Variants in FAT2 observed in about 807,000 individuals in gnomAD.
FAT2 encodes the protein protocadherin Fat 2.
In FAT2, 150 loss-of-function variants were observed where a neutral mutation model predicts 295.3. That is an observed-to-expected ratio of 0.51 (90% CI 0.44 to 0.58). The LOEUF is 0.58. FAT2 is among the 20% of genes least tolerant of loss of function. The pLI is 0.00. For missense variants in FAT2, 4,868 were observed against 5,442.7 expected, an observed-to-expected ratio of 0.89 and a Z score of 3.32; for synonymous variants, 2,026 against 2,150.3, an observed-to-expected ratio of 0.94 and a Z score of 1.60.
Position 151,563,364 on chromosome 5 carries a change from C to T in FAT2, c.3535G>A (p.Gly1179Arg), listed in dbSNP as rs202031721. The change falls in exon 3 of 24, where the codon GGG becomes AGG. Residue 1179 changes from glycine (G) to arginine (R), a missense_variant. Gly to Arg is a moderately radical substitution (Grantham distance 125, BLOSUM62 -2). Coordinates refer to ENST00000261800, the MANE Select transcript of FAT2 (RefSeq NM_001447.3). ...KGKLTFNITS[G>R]NYMGFFMIHP... Reference sequence around the variant, plus strand: ...ATCATAAAGAATCCCATGTAGTTCCCACTGGTGATGTTGAAGGTCAGCTTC... The same window carrying T: ...ATCATAAAGAATCCCATGTAGTTCCTACTGGTGATGTTGAAGGTCAGCTTC... 3.1e-6 allele frequency: 5 copies of T among 1,614,158 alleles called. No individual in the cohort carries two copies. Among genetic ancestry groups the T allele is most frequent in the East Asian group, 2.2e-5 (1 of 44,878 alleles).
At position 151,567,394 on chromosome 5, in the gene FAT2, A is replaced by G. The variant is rs1758327159; in HGVS notation, c.1538T>C (p.Ile513Thr). The G allele has an allele frequency of 6.2e-7, 1 of 1,614,062 alleles. No individual in the cohort carries two copies. The highest frequency in any genetic ancestry group is 1.7e-5 in the Admixed American group (1 of 60,002). Residue 513 changes from isoleucine to threonine, a missense_variant, in exon 2 of 24, where the codon ATC becomes ACC. Ile to Thr is a moderately conservative substitution (Grantham distance 89, BLOSUM62 -1). This residue lies in a region of FAT2 where 3,297 missense variants were observed against 3,669.4 expected (regional missense o/e 0.90). Coordinates refer to ENST00000261800, the MANE Select transcript of FAT2 (RefSeq NM_001447.3). The stretch of plus-strand genomic sequence containing the variant: ...GTCCATGGGTTTGGAGGTGGAGATG[A>G]TCCCCAGGTAGGGGTCAATAGAAAA... ...LPFSIDPYLG[I>T]ISTSKPMDYE...
Position 151,545,329 on chromosome 5 carries a change from A to G in FAT2, c.5798T>C (p.Leu1933Pro), listed in dbSNP as rs1489902977. The change falls in exon 10 of 24, where the codon CTG becomes CCG. Residue 1933 changes from leucine (L) to proline (P), a missense_variant. Leu to Pro is a moderately conservative substitution (Grantham distance 98, BLOSUM62 -3). Transcript: ENST00000261800. ...GATGGTGAGCTTCCGAGAGAGTCCC[A>G]GGAAAGCAGGATTCAGCACAGATAT... ...GSISVLNPAF[L>P]GLSRKLTIRA... The G allele has an allele frequency of 1.2e-6, 2 of 1,614,154 alleles. No homozygotes were observed. The highest frequency in any genetic ancestry group is 1.7e-6 in the Non-Finnish European group (2 of 1,180,032).
In FAT2 at chr5:151,542,754, A is replaced by G; in HGVS notation, c.8373T>C (p.Asn2791=). Residue 2791 remains asparagine (N), a synonymous_variant, in exon 10 of 24, where the codon AAT becomes AAC. Transcript: ENST00000261800. ...VSVNIQVGDV[N]DNRPVFEADP... The stretch of plus-strand genomic sequence containing the variant: ...CAGCCTCAAATACAGGCCTATTGTC[A>G]TTGACGTCTCCCACTTGGATGTTGA... 1 of 1,614,216 alleles carries G rather than the reference A, an allele frequency of 6.2e-7. No individual in the cohort carries two copies.
At chr5:151,592,059 T>C (rs1451929927), upstream of FAT2, among the ~76,000 whole-genome samples, 8 of 152,204 alleles carry the variant, frequency 5.3e-5, no homozygotes, top group Admixed American at 5.2e-4. Flanking sequence ...ATGAGACCGA[T>C]TATGTGTGCA....
At chr5:151,537,376 A>G (rs937461645) in intron 12 of FAT2, among the ~76,000 whole-genome samples, 1 of 150,496 alleles carries the variant, frequency 6.6e-6, no homozygotes, top group Non-Finnish European at 1.5e-5. Flanking sequence ...GGAAAGAAAC[A>G]ACGAACAACG....
rs1756244151 is a variant in FAT2 at position 151,542,436 on chromosome 5, T to C, written c.8691A>G (p.Thr2897=). ...SSQALVQVSI[T]DENDNAPRFA... is the part of the protein sequence containing the mutation. ...ATCGGGGAGCATTGTCATTCTCATC[T>C]GTAATGGAGACCTGAACCAGGGCCT... The change falls in exon 10 of 24, where the codon ACA becomes ACG. Residue 2897 remains threonine (T), a synonymous_variant. Transcript: ENST00000261800. 1 of 1,614,200 alleles carries C rather than the reference T, an allele frequency of 6.2e-7. No homozygotes were observed.
chr5:151,507,587 A>G lies in FAT2; in HGVS notation c.12084T>C (p.Cys4028=). 1 of 1,609,786 alleles carries G rather than the reference A, an allele frequency of 6.2e-7. No individual in the cohort carries two copies. The highest frequency in any genetic ancestry group is 2.2e-5 in the East Asian group (1 of 44,666). Residue 4028 remains cysteine, a synonymous_variant, in exon 23 of 24, where the codon TGT becomes TGC. Transcript: ENST00000261800. ...GAGTGACTAGGCAGTGTCCTTCTGA[A>G]CAACCCCTCGCCTCCATTTCACACC... ...GDRCEMEARG[C]SEGHCLVTPE... is the part of the protein sequence containing the mutation.
Position 151,565,811 on chromosome 5 carries a change from C to T in FAT2, c.3121G>A (p.Val1041Met), listed in dbSNP as rs145355115. 9.3e-6 allele frequency: 15 copies of T among 1,614,144 alleles called. No homozygotes were observed. In the African/African-American group the frequency reaches 1.2e-4, roughly 13 times the overall value. ...GTTCCCGAGGGGCTGTTCTCCTGCA[C>T]CTGGCCCTGGTGCACGAAGGAGGCA... is the stretch of plus-strand genomic sequence containing the variant. ...HFASFVHQGQ[V>M]QENSPSGTQV... is the part of the protein sequence containing the mutation. Residue 1041 changes from valine (V) to methionine (M), a missense_variant, in exon 2 of 24, where the codon GTG (valine) becomes ATG (methionine). Coordinates refer to ENST00000261800, the MANE Select transcript of FAT2 (RefSeq NM_001447.3).
rs753347885 is a variant in FAT2 at position 151,531,964 on chromosome 5, T to C, written c.9434A>G (p.Asn3145Ser). The C allele has an allele frequency of 2.4e-5, 38 of 1,614,070 alleles. No individual in the cohort carries two copies. Among genetic ancestry groups the C allele is most frequent in the Non-Finnish European group, 3.1e-5 (36 of 1,179,988 alleles). ...CGGCAGAGAGTAAACCACCTGGGCATTGGCGCCTGGCAGGGAGACCAAGGG... is the reference window on the plus strand; with the variant it reads ...CGGCAGAGAGTAAACCACCTGGGCACTGGCGCCTGGCAGGGAGACCAAGGG... ...VFARDPDQGA[N>S]AQVVYSLPDS... Residue 3145 changes from asparagine (N) to serine (S), a missense_variant, in exon 14 of 24, where the codon AAT becomes AGT. By Grantham distance (46) the Asn-to-Ser change is conservative. This residue lies in a region of FAT2 where 1,046 missense variants were observed against 1,210.1 expected (regional missense o/e 0.86). Transcript: ENST00000261800. The surrounding 1 kb of genome is among the most constrained non-coding windows in gnomAD (Gnocchi z 5.7).
At chr5:151,563,270 A>G (rs1263266125) in intron 3 of FAT2, 55 bp downstream of exon 3, 6 of 1,540,802 alleles carry the variant, frequency 3.9e-6, no homozygotes, top group African/African-American at 1.4e-5. Flanking sequence ...TGGGCCCACA[A>G]TTTGAGAACC....
chr5:151,524,853 C>G (rs752268064), intron 18 of FAT2, among the ~76,000 whole-genome samples: 1 of 152,210 alleles, frequency 6.6e-6, no homozygotes, highest in South Asian at 2.1e-4. Context: ...CAGCTTGGCT[C>G]TCTGCTCAGA....
chr5:151,510,417 C>T (rs1448947853), intron 21 of FAT2: 8 of 450,832 alleles, frequency 1.8e-5, no homozygotes, highest in South Asian at 1.7e-4. Context: ...CAGTAATAAA[C>T]AGGATAACAA....
chr5:151,565,278 A>G (rs1051882434), intron 2 of FAT2, among the ~76,000 whole-genome samples: 10 of 152,232 alleles, frequency 6.6e-5, no homozygotes, highest in Non-Finnish European at 1.5e-4. Flanking sequence ...TAATAATAAA[A>G]TGAACAATAT....
rs1440016609 is a variant in FAT2, at chr5:151,537,311, AAAAG to A, written c.9193+478_9193+481del. Among the ~76,000 whole-genome samples the A allele has an allele frequency of 6.4e-4, 41 of 64,178 alleles. No individual in the cohort carries two copies. In the East Asian group the frequency reaches 9.8e-3, roughly 15 times the overall value. 42.1% of individuals were successfully genotyped at this position (64,178 alleles called of 152,430 possible). A position where few individuals can be genotyped will look rare whatever the true frequency, so the allele number is the denominator to read the frequency against. On this transcript the variant is annotated intron_variant, in intron 12 of 23. Transcript: ENST00000261800. ...AGGAGGAGGAGGGAGAGAGGGAAGA[AAAAG>A]AAAGAGAAAAAAAGAAAGAAAAGAA...
chr5:151,531,589 G>A lies in FAT2; in HGVS notation c.9809C>T (p.Thr3270Ile), dbSNP rs753356158. 20 of 1,612,202 alleles carry A rather than the reference G, an allele frequency of 1.2e-5. No individual in the cohort carries two copies. Among genetic ancestry groups the A allele is most frequent in the Admixed American group, 1.7e-5 (1 of 60,000 alleles). Residue 3270 changes from threonine (T) to isoleucine (I), a missense_variant and splice_region_variant, in exon 14 of 24, where the codon ACA becomes ATA. By Grantham distance (89) the Thr-to-Ile change is moderately conservative. Coordinates refer to ENST00000261800, the MANE Select transcript of FAT2 (RefSeq NM_001447.3). This position sits in a 1 kb window ranked among gnomAD's most constrained non-coding sequence, Gnocchi z 5.7. Reference protein sequence around the residue: ...EQGRFRLDARTGILYVNASLD... With the variant: ...EQGRFRLDARIGILYVNASLD... ...GGCTTGGTGGATCAGGCTCTCACCT[G>A]TGCGAGCATCCAGGCGGAACCTGCC...
chr5:151,507,732 C>T (rs1761010038), intron 22 of FAT2, 121 bp from the exon 23 acceptor site: 1 of 903,294 alleles, frequency 1.1e-6, no homozygotes, highest in East Asian at 2.7e-5. Context: ...CGTTTTTCAC[C>T]CCCCAAAAAA....
rs1404057943 is a variant in FAT2 at position 151,531,208 on chromosome 5, G to C, written c.9811+379C>G. Among the ~76,000 whole-genome samples the C allele has an allele frequency of 1.3e-5, 2 of 152,164 alleles. No individual in the cohort carries two copies. Among genetic ancestry groups the C allele is most frequent in the African/African-American group, 4.8e-5 (2 of 41,428 alleles). ...GAGGGAAGCAGGCAGCCTTGTCCAG[G>C]GTTGCTTAAGCCCCAGATTCCAGCA... On this transcript the variant is annotated intron_variant, in intron 14 of 23. Coordinates refer to ENST00000261800, the MANE Select transcript of FAT2 (RefSeq NM_001447.3). The surrounding 1 kb of genome is among the most constrained non-coding windows in gnomAD (Gnocchi z 5.7).
chr5:151,568,808 T>TGGTG lies in FAT2; in HGVS notation c.120_123dup (p.Ile42HisfsTer4), dbSNP rs1203524361. ...GTCTTGGGAGAAGAATTTTCATAGA[T>TGGTG]GGTGGCATTGTAATGGGAGTGTGTG... On this transcript the variant is annotated frameshift_variant, in exon 2 of 24. Coordinates refer to ENST00000261800, the MANE Select transcript of FAT2 (RefSeq NM_001447.3). LOFTEE classifies it high-confidence loss of function. 1 of 1,613,906 alleles carries TGGTG rather than the reference T, an allele frequency of 6.2e-7. No homozygotes were observed. Among genetic ancestry groups the TGGTG allele is most frequent in the African/African-American group, 1.3e-5 (1 of 74,852 alleles).
rs745351683 is a variant in FAT2 at position 151,545,274 on chromosome 5, A to T, written c.5853T>A (p.Thr1951=). The T allele has an allele frequency of 6.2e-7, 1 of 1,614,070 alleles. No homozygotes were observed. Among genetic ancestry groups the T allele is most frequent in the African/African-American group, 1.3e-5 (1 of 74,930 alleles). The part of the protein sequence containing the change: ...IRASDGLYQD[T]ALVKISLTQV... Reference sequence around the variant, plus strand: ...GGGTCAAAGAAATTTTTACCAGCGCAGTGTCTTGATACAAGCCATCAGAAG... The same window carrying T: ...GGGTCAAAGAAATTTTTACCAGCGCTGTGTCTTGATACAAGCCATCAGAAG... The change falls in exon 10 of 24, where the codon ACT becomes ACA. Residue 1951 remains threonine, a synonymous_variant. Coordinates refer to ENST00000261800, the MANE Select transcript of FAT2 (RefSeq NM_001447.3).
Sources: gnomAD v4.1 joint callset for allele counts (sites outside exome capture counted in the v4.1 genomes callset) on GRCh38, gnomAD v4.1.1 for gene constraint, gnomAD v4.1.1 regional missense constraint, Gnocchi (gnomAD v3.1) non-coding constraint, MANE v1.5 for transcripts, NCBI Gene and HGNC (gene_info 2026-07-23, HGNC 2026-07-21) for gene names.